Variants in NRG1 observed in about 807,000 individuals in gnomAD.
NRG1 encodes the protein pro-neuregulin-1, membrane-bound isoform.
NRG1 carries 18 observed loss-of-function variants against 63.8 expected under a neutral mutation model. The ratio of observed to expected loss-of-function variants is 0.28; its 90% CI spans 0.19 to 0.42. The LOEUF (loss-of-function observed/expected upper bound fraction) is 0.42. NRG1 is among the 10% of genes least tolerant of loss of function. The pLI is 1.00. For synonymous variants in NRG1, 302 were observed against 301.3 expected, an observed-to-expected ratio of 1.00 and a Z score of -0.02; for missense variants, 762 against 814.7, an observed-to-expected ratio of 0.94 and a Z score of 0.79.
At chr8:31,800,176 C>T (rs1004294633) in intron 1 of NRG1, among the ~76,000 whole-genome samples, 10 of 152,166 alleles carry the variant, frequency 6.6e-5, no homozygotes, top group Admixed American at 5.9e-4. Context: ...GACAACCCTA[C>T]TACATGATCA....
At chr8:32,330,167 A>T (rs141124715) in intron 1 of NRG1, among the ~76,000 whole-genome samples, 2 of 150,242 alleles carry the variant, frequency 1.3e-5, no homozygotes, top group African/African-American at 2.4e-5. Flanking sequence ...GATTACAGGC[A>T]TGCACCTTGT....
intron 5 of NRG1, among the ~76,000 whole-genome samples, chr8:32,672,532 C>T (rs1805959220): frequency 6.6e-6 from 1 of 152,084 alleles, no homozygotes; most frequent in Non-Finnish European, 1.5e-5. Flanking sequence ...CAGCACAACT[C>T]TGTAAATAAA....
At chr8:32,132,683 T>G (rs1834994347) in intron 1 of NRG1, among the ~76,000 whole-genome samples, 1 of 152,112 alleles carries the variant, frequency 6.6e-6, no homozygotes, top group African/African-American at 2.4e-5. Flanking sequence ...GAAGAACACA[T>G]CTGAGATAAT....
intron 1 of NRG1, among the ~76,000 whole-genome samples, chr8:32,528,447 G>T (rs758960588): frequency 1.1e-4 from 16 of 152,168 alleles, no homozygotes; most frequent in Non-Finnish European, 2.1e-4. Context: ...TCAAAGGCAA[G>T]CATCTAGTTT....
chr8:32,462,480 TA>T (rs1002813334), intron 1 of NRG1, among the ~76,000 whole-genome samples: 8 of 152,258 alleles, frequency 5.3e-5, no homozygotes, highest in African/African-American at 1.9e-4. Context: ...TTTCCATAGT[TA>T]ACATTTTTGT....
intron 1 of NRG1, among the ~76,000 whole-genome samples, chr8:31,691,069 A>G (rs1424033001): frequency 1.3e-5 from 2 of 152,186 alleles, no homozygotes; most frequent in Non-Finnish European, 2.9e-5. Flanking sequence ...TCACTCTAGC[A>G]GAGATTAGGG....
chr8:32,577,945 A>T (rs757134518), intron 1 of NRG1, among the ~76,000 whole-genome samples: 1 of 152,190 alleles, frequency 6.6e-6, no homozygotes, highest in Non-Finnish European at 1.5e-5. Context: ...CACCACTTGC[A>T]GTAAGGAAGG....
rs76434252 is a variant in NRG1, at chr8:31,657,192, A to G, written c.37+17761A>G. The stretch of plus-strand genomic sequence containing the variant: ...ATTTATTTACTTTGGGTGCAATAAC[A>G]GTGTTTTCATGGAAGGATTTTTTAT... On this transcript the variant is annotated intron_variant, in intron 1 of 10. Transcript: ENST00000519301. 5.9e-3 allele frequency among the ~76,000 whole-genome samples: 894 copies of G among 152,342 alleles called. 11 individuals are homozygous for G. Among genetic ancestry groups the G allele is most frequent in the African/African-American group, 0.021 (864 of 41,586 alleles).
At chr8:31,729,543 A>G (rs1813805885) in intron 1 of NRG1, among the ~76,000 whole-genome samples, 2 of 152,180 alleles carry the variant, frequency 1.3e-5, no homozygotes, top group Admixed American at 1.3e-4. Context: ...CTGAGCTAGT[A>G]TAGACAGGTT....
At chr8:32,571,334 T>C (rs987880812) in intron 1 of NRG1, among the ~76,000 whole-genome samples, 2 of 152,188 alleles carry the variant, frequency 1.3e-5, no homozygotes, top group African/African-American at 2.4e-5. Flanking sequence ...CTTGTTCTTT[T>C]ATAAATAATG....
intron 1 of NRG1, among the ~76,000 whole-genome samples, chr8:32,580,822 A>G (rs1017518710): frequency 2.0e-5 from 3 of 150,446 alleles, no homozygotes; most frequent in Admixed American, 6.6e-5. Flanking sequence ...AGTTGTTATT[A>G]GGAATAAACA....
chr8:31,972,469 C>T (rs981509935), intron 1 of NRG1, among the ~76,000 whole-genome samples: 5 of 152,070 alleles, frequency 3.3e-5, no homozygotes, highest in African/African-American at 1.2e-4. Flanking sequence ...TCAACAAGAA[C>T]CTCTCATATC....
Position 32,355,931 on chromosome 8 carries a change from A to C in NRG1, c.38-239897A>C, listed in dbSNP as rs182923798. The stretch of plus-strand genomic sequence containing the variant: ...GACATGAACATGTGTCTGTCCCAAT[A>C]AAGGTTGAGACAAGGTTTGTTGTGC... On this transcript the variant is annotated intron_variant, in intron 1 of 10. Coordinates refer to the NRG1 transcript ENST00000519301. 3.3e-3 allele frequency among the ~76,000 whole-genome samples: 502 copies of C among 152,212 alleles called. 3 individuals are homozygous for C. Among genetic ancestry groups the C allele is most frequent in the African/African-American group, 0.011 (463 of 41,520 alleles).
chr8:31,990,394 G>A (rs1810857453), intron 1 of NRG1, among the ~76,000 whole-genome samples: 1 of 151,982 alleles, frequency 6.6e-6, no homozygotes. Flanking sequence ...GTTTTATATT[G>A]TGGTAGGTAG....
chr8:32,000,566 C>A (rs1269683346), intron 1 of NRG1, among the ~76,000 whole-genome samples: 12 of 151,946 alleles, frequency 7.9e-5, no homozygotes, highest in Admixed American at 7.2e-4. Context: ...CATGCACAGA[C>A]TTATCCCTCT....
At chr8:31,735,439 A>G (rs1164252984) in intron 1 of NRG1, among the ~76,000 whole-genome samples, 1 of 152,160 alleles carries the variant, frequency 6.6e-6, no homozygotes, top group Non-Finnish European at 1.5e-5. Context: ...AATTTAAAGT[A>G]ATTTAAATTT....
intron 1 of NRG1, among the ~76,000 whole-genome samples, chr8:32,045,842 A>G (rs1820910602): frequency 1.3e-5 from 2 of 152,020 alleles, no homozygotes; most frequent in East Asian, 1.9e-4. Context: ...AAAACACAAA[A>G]TTATAAAATG....
chr8:31,752,498 A>G (rs1194506910), intron 1 of NRG1, among the ~76,000 whole-genome samples: 1 of 152,064 alleles, frequency 6.6e-6, no homozygotes, highest in East Asian at 1.9e-4. Context: ...TTCAACATTC[A>G]GCTAGTATTT....
At chr8:32,516,977 AGATGACTT>A (rs1341224617) in intron 1 of NRG1, among the ~76,000 whole-genome samples, 1 of 118,690 alleles carries the variant, frequency 8.4e-6, no homozygotes, top group Non-Finnish European at 2.0e-5. Context: ...GAGGGAAAAA[AGATGACTT>A]TATTAAGGAT....
Sources: allele counts gnomAD v4.1 joint callset (sites outside exome capture counted in the v4.1 genomes callset), GRCh38; gene constraint gnomAD v4.1.1; transcripts MANE v1.5; gene names NCBI Gene and HGNC (gene_info 2026-07-23, HGNC 2026-07-21).